GRM1: variants seen among roughly 807,000 people sequenced by gnomAD.
The protein encoded by GRM1 is glutamate metabotropic receptor 1.
In GRM1, 33 loss-of-function variants were observed where a neutral mutation model predicts 90.9. The ratio of observed to expected loss-of-function variants is 0.36; its 90% CI spans 0.28 to 0.49. The LOEUF is 0.49. Among genes scored for constraint, GRM1 ranks in the 20% least tolerant of loss-of-function variants. The pLI is 0.99. For missense variants in GRM1, 1,190 were observed against 1,534.3 expected (o/e 0.78, Z 3.75); for synonymous variants, 700 against 613.2 (o/e 1.14, Z -2.09).
chr6:146,274,261 A>G (rs948388392), intron 2 of GRM1, among the ~76,000 whole-genome samples: 3 of 152,230 alleles, frequency 2.0e-5, no homozygotes, highest in African/African-American at 7.2e-5. Context: ...TTTTATCTAA[A>G]TGTTGTCAAT....
chr6:146,334,542 G>A (rs928340095), intron 3 of GRM1, among the ~76,000 whole-genome samples: 1 of 151,856 alleles, frequency 6.6e-6, no homozygotes, highest in Non-Finnish European at 1.5e-5. Flanking sequence ...TTAGAAAATT[G>A]CCCCTGTGAT....
chr6:146,208,243 C>A (rs1779560202), intron 2 of GRM1, among the ~76,000 whole-genome samples: 1 of 152,104 alleles, frequency 6.6e-6, no homozygotes, highest in Admixed American at 6.6e-5. Flanking sequence ...TTGTTGGTAA[C>A]CCAAGAAGGC....
intron 2 of GRM1, among the ~76,000 whole-genome samples, chr6:146,301,967 T>C (rs993439222): frequency 2.0e-5 from 3 of 152,100 alleles, no homozygotes; most frequent in African/African-American, 4.8e-5. Context: ...AATGACCTGA[T>C]TGAGTAATAG....
rs529965704 is a variant in GRM1, at chr6:146,144,719, G to A, written c.701-14629G>A. Among the ~76,000 whole-genome samples the A allele has an allele frequency of 1.2e-4, 18 of 152,300 alleles. 1 individual carries two copies. The East Asian group carries it at 3.1e-3, about 26-fold the overall frequency. ...TAGAACTGGGTAAGAGACTGGAAGAGTTTAGAGGAGCAGGCTAGAAAGATC... is the reference window on the plus strand; with the variant it reads ...TAGAACTGGGTAAGAGACTGGAAGAATTTAGAGGAGCAGGCTAGAAAGATC... On this transcript the variant is annotated intron_variant, in intron 1 of 7. Transcript: ENST00000282753.
intron 7 of GRM1, among the ~76,000 whole-genome samples, chr6:146,408,594 G>A (rs765089636): frequency 5.9e-5 from 9 of 152,242 alleles, no homozygotes; most frequent in South Asian, 2.1e-4. Context: ...CATAAAATTC[G>A]TAATTACCCC....
chr6:146,050,446 C>T (rs2128847769), intron 1 of GRM1, among the ~76,000 whole-genome samples: 1 of 152,140 alleles, frequency 6.6e-6, no homozygotes, highest in Non-Finnish European at 1.5e-5. Context: ...CCTTGAAAAA[C>T]CTTCAAACAC....
intron 1 of GRM1, among the ~76,000 whole-genome samples, chr6:146,146,220 C>G (rs1478604069): frequency 7.2e-6 from 1 of 138,190 alleles, no homozygotes; most frequent in Non-Finnish European, 1.5e-5. Flanking sequence ...TCCCTAGTAG[C>G]TGGGACTACA....
chr6:146,143,545 G>T (rs1238208498), intron 1 of GRM1, among the ~76,000 whole-genome samples: 1 of 152,194 alleles, frequency 6.6e-6, no homozygotes, highest in African/African-American at 2.4e-5. Context: ...GGGTGTTTCT[G>T]CAGGGCAGTA....
At chr6:146,428,297 G>A (rs1487969213) in intron 7 of GRM1, among the ~76,000 whole-genome samples, 1 of 152,164 alleles carries the variant, frequency 6.6e-6, no homozygotes, top group African/African-American at 2.4e-5. Flanking sequence ...AAGGCAAAGA[G>A]ATTAGTGATG....
At chr6:146,300,703 C>T (rs922887976) in intron 2 of GRM1, among the ~76,000 whole-genome samples, 1 of 152,184 alleles carries the variant, frequency 6.6e-6, no homozygotes, top group East Asian at 1.9e-4. Context: ...CACAGAGAGT[C>T]CAGTGCTGTC....
At chr6:146,432,137 A>G (rs757578777) in intron 7 of GRM1, among the ~76,000 whole-genome samples, 4 of 152,238 alleles carry the variant, frequency 2.6e-5, no homozygotes, top group Non-Finnish European at 5.9e-5. Flanking sequence ...GTCTCAGATA[A>G]TGTGTAAGGC....
chr6:146,260,312 C>A (rs1223900813), intron 2 of GRM1, among the ~76,000 whole-genome samples: 4 of 152,070 alleles, frequency 2.6e-5, no homozygotes, highest in Non-Finnish European at 5.9e-5. Context: ...TCATCCATGT[C>A]CCTGCAAAGG....
intron 2 of GRM1, among the ~76,000 whole-genome samples, chr6:146,264,871 C>CT (rs1781823578): frequency 6.6e-6 from 1 of 152,080 alleles, no homozygotes; most frequent in East Asian, 1.9e-4. Context: ...TGATTTTATT[C>CT]TTTTTTATGG....
chr6:146,211,137 A>AC (rs1779674814), intron 2 of GRM1, among the ~76,000 whole-genome samples: 1 of 152,086 alleles, frequency 6.6e-6, no homozygotes, highest in African/African-American at 2.4e-5. Context: ...AAAAAAAAAA[A>AC]ACATTTGGCT....
intron 1 of GRM1, among the ~76,000 whole-genome samples, chr6:146,078,826 G>A (rs1776272088): frequency 6.6e-6 from 1 of 152,116 alleles, no homozygotes; most frequent in Admixed American, 6.5e-5. Context: ...CTGTAAATAG[G>A]CTGTTTCTGG....
At chr6:146,308,615 A>G (rs1224949606) in intron 3 of GRM1, among the ~76,000 whole-genome samples, 1 of 152,184 alleles carries the variant, frequency 6.6e-6, no homozygotes, top group Non-Finnish European at 1.5e-5. Flanking sequence ...ATATTTTCCC[A>G]TGCAGTCTTT....
chr6:146,404,775 AC>A (rs1250650301), intron 7 of GRM1, among the ~76,000 whole-genome samples: 9 of 152,224 alleles, frequency 5.9e-5, no homozygotes, highest in Non-Finnish European at 7.4e-5. Context: ...AAGTTTCAGT[AC>A]TTTTTCTATA....
intron 2 of GRM1, among the ~76,000 whole-genome samples, chr6:146,213,947 C>G (rs1351268026): frequency 1.3e-5 from 2 of 152,110 alleles, no homozygotes; most frequent in Non-Finnish European, 2.9e-5. Context: ...GGTGTAAGTC[C>G]TGGAGTCCAA....
At chr6:146,069,074 T>A (rs577891822) in intron 1 of GRM1, among the ~76,000 whole-genome samples, 1 of 152,304 alleles carries the variant, frequency 6.6e-6, no homozygotes, top group African/African-American at 2.4e-5. Context: ...ATGTCAGTGG[T>A]CCCCAAACAT....
Sources: gnomAD v4.1 joint callset for allele counts (sites outside exome capture counted in the v4.1 genomes callset) on GRCh38, gnomAD v4.1.1 for gene constraint, MANE v1.5 for transcripts, NCBI Gene and HGNC (gene_info 2026-07-23, HGNC 2026-07-21) for gene names.